Variants in MACROD2 observed in about 807,000 individuals in gnomAD.
MACROD2 encodes the protein mono-ADP ribosylhydrolase 2.
In MACROD2, 36 loss-of-function variants were observed where a neutral mutation model predicts 70.4. The observed-to-expected ratio is 0.51, with a 90% CI of 0.39 to 0.68. The LOEUF is 0.68. Ranked by LOEUF, MACROD2 falls within the 30% of genes least tolerant of loss-of-function variation. MACROD2 has a pLI of 0.00. For missense variants in MACROD2, 496 were observed against 538.4 expected (o/e 0.92, Z 0.78); for synonymous variants, 172 against 178.8 (o/e 0.96, Z 0.30).
At chr20:14,117,265 C>T (rs774278615) in intron 3 of MACROD2, among the ~76,000 whole-genome samples, 51 of 152,094 alleles carry the variant, frequency 3.4e-4, no homozygotes, top group African/African-American at 4.8e-4. Context: ...TTGTACTTTA[C>T]GTACAGTGAC....
intron 6 of MACROD2, among the ~76,000 whole-genome samples, chr20:15,377,629 C>T (rs2045581019): frequency 6.6e-6 from 1 of 152,168 alleles, no homozygotes; most frequent in African/African-American, 2.4e-5. Flanking sequence ...GGAATATTTT[C>T]ACTAATACAG....
intron 4 of MACROD2, among the ~76,000 whole-genome samples, chr20:14,498,427 A>G (rs1219474367): frequency 6.6e-6 from 1 of 152,218 alleles, no homozygotes; most frequent in African/African-American, 2.4e-5. Flanking sequence ...CATTCAGCAA[A>G]TATTAATTGA....
rs2052633581 is a variant in MACROD2, at chr20:13,995,904, C to T, written c.46+95C>T. 7 of 1,433,876 alleles carry T rather than the reference C, an allele frequency of 4.9e-6. No homozygotes were observed. The highest frequency in any genetic ancestry group is 3.7e-5 in the South Asian group (3 of 81,252). 88.8% of individuals were successfully genotyped at this position (1,433,876 alleles called of 1,614,324 possible). On this transcript the variant is annotated intron_variant, in intron 1 of 17. Transcript: ENST00000684519. This position sits in a 1 kb window ranked among gnomAD's most constrained non-coding sequence, Gnocchi z 4.3. ...TGTGCCGCGGCGCCCTCCGCCCGAGCTCCCGCCTCGCGCCCTCCCGGCCGG... is the reference window on the plus strand; with the variant it reads ...TGTGCCGCGGCGCCCTCCGCCCGAGTTCCCGCCTCGCGCCCTCCCGGCCGG...
At chr20:14,670,315 C>T (rs1416910331) in intron 4 of MACROD2, among the ~76,000 whole-genome samples, 1 of 152,074 alleles carries the variant, frequency 6.6e-6, no homozygotes, top group Non-Finnish European at 1.5e-5. Context: ...AATTCAGCCT[C>T]ATTGTTGATG....
chr20:14,303,580 G>C (rs1170107812), intron 3 of MACROD2, among the ~76,000 whole-genome samples: 1 of 152,122 alleles, frequency 6.6e-6, no homozygotes. Flanking sequence ...TCTAATTACT[G>C]ATTACCCTCT....
intron 8 of MACROD2, among the ~76,000 whole-genome samples, chr20:15,794,796 C>G (rs1204927942): frequency 6.6e-6 from 1 of 152,156 alleles, no homozygotes; most frequent in Non-Finnish European, 1.5e-5. Flanking sequence ...TTAAAAGTCT[C>G]TTTTTTAACT....
chr20:14,228,723 T>C (rs1185123837), intron 3 of MACROD2, among the ~76,000 whole-genome samples: 1 of 152,088 alleles, frequency 6.6e-6, no homozygotes, highest in Non-Finnish European at 1.5e-5. Context: ...AGACATTAAT[T>C]TCGGCCAGCT....
chr20:15,043,953 C>T (rs115013860), intron 5 of MACROD2, among the ~76,000 whole-genome samples: 1,569 of 152,254 alleles, frequency 0.01, 33 homozygotes, highest in African/African-American at 0.036. Flanking sequence ...TCTCTGGGAG[C>T]GCCACACTCC....
At chr20:13,998,806 T>C (rs548589131) in intron 1 of MACROD2, among the ~76,000 whole-genome samples, 37 of 151,784 alleles carry the variant, frequency 2.4e-4, no homozygotes, top group African/African-American at 6.3e-4. Flanking sequence ...ATACAAAAAA[T>C]TAGCCGGTCG....
intron 4 of MACROD2, among the ~76,000 whole-genome samples, chr20:14,507,779 G>A (rs1246671568): frequency 6.6e-6 from 1 of 152,146 alleles, no homozygotes; most frequent in Admixed American, 6.5e-5. Flanking sequence ...CCATGTCCGT[G>A]ATACAGTTTG....
intron 4 of MACROD2, among the ~76,000 whole-genome samples, chr20:14,682,112 G>T (rs975268624): frequency 6.6e-6 from 1 of 152,118 alleles, no homozygotes; most frequent in African/African-American, 2.4e-5. Context: ...TGAAAATTTT[G>T]AGAATTAGAT....
intron 3 of MACROD2, among the ~76,000 whole-genome samples, chr20:14,190,701 T>G (rs1486767662): frequency 5.3e-5 from 1 of 18,900 alleles, no homozygotes. Context: ...TATATATATT[T>G]TTTTTTTTTT....
In MACROD2 at chr20:14,682,102, T is replaced by A. The variant is rs568964684; in HGVS notation, c.302-2741T>A. 2.6e-5 allele frequency among the ~76,000 whole-genome samples: 4 copies of A among 152,280 alleles called. No individual in the cohort carries two copies. The East Asian group carries it at 7.7e-4, about 29-fold the overall frequency. On this transcript the variant is annotated intron_variant, in intron 4 of 17. Coordinates refer to ENST00000684519, the MANE Select transcript of MACROD2 (RefSeq NM_001351661.2). ...GCAGTCAGGAATACTGGGATAACCA[T>A]GAAAATTTTGAGAATTAGATATCTG...
intron 4 of MACROD2, among the ~76,000 whole-genome samples, chr20:14,645,623 A>G (rs1489542892): frequency 6.6e-6 from 1 of 152,048 alleles, no homozygotes; most frequent in Non-Finnish European, 1.5e-5. Context: ...TCCGTGTGTA[A>G]GATTTCTAGA....
chr20:15,506,711 A>G (rs1246732875), intron 8 of MACROD2, among the ~76,000 whole-genome samples: 1 of 152,214 alleles, frequency 6.6e-6, no homozygotes, highest in African/African-American at 2.4e-5. Context: ...TGGGAAAATT[A>G]TATATTTCGA....
At chr20:15,518,034 A>C (rs1295918703) in intron 8 of MACROD2, among the ~76,000 whole-genome samples, 8 of 152,270 alleles carry the variant, frequency 5.3e-5, no homozygotes, top group African/African-American at 1.4e-4. Context: ...ATTCTTTTCA[A>C]AGGCATCTGC....
At chr20:15,676,348 C>A (rs920940651) in intron 8 of MACROD2, among the ~76,000 whole-genome samples, 2 of 152,206 alleles carry the variant, frequency 1.3e-5, no homozygotes, top group African/African-American at 4.8e-5. Context: ...AGGCAATGCC[C>A]ATGCAAATAT....
intron 4 of MACROD2, among the ~76,000 whole-genome samples, chr20:14,658,189 A>T (rs1986065371): frequency 6.6e-6 from 1 of 152,156 alleles, no homozygotes; most frequent in African/African-American, 2.4e-5. Context: ...TAGTTGTTTA[A>T]TTATCTACTT....
intron 10 of MACROD2, 148 bp from the exon 11 acceptor site, chr20:15,933,128 T>G: frequency 1.5e-6 from 1 of 647,748 alleles, no homozygotes; most frequent in Admixed American, 3.0e-5. Context: ...TTTTTCTGTT[T>G]CATGCCTCTG....
Sources: allele counts gnomAD v4.1 joint callset (sites outside exome capture counted in the v4.1 genomes callset), GRCh38; gene constraint gnomAD v4.1.1; non-coding constraint Gnocchi (gnomAD v3.1); transcripts MANE v1.5; gene names NCBI Gene and HGNC (gene_info 2026-07-23, HGNC 2026-07-21).